The following EXOC4 variants were observed in gnomAD, a reference collection of about 807,000 sequenced individuals.
The protein encoded by EXOC4 is SEC8-like 1.
A neutral mutation model predicts 107.2 loss-of-function variants in EXOC4; 71 were observed. The observed-to-expected ratio is 0.66, with a 90% confidence interval of 0.55 to 0.81. The LOEUF is 0.81. EXOC4 is among the 30% of genes least tolerant of loss of function. EXOC4 has a pLI of 0.00. For missense variants in EXOC4, 1,108 were observed against 1,189.6 expected (o/e 0.93, Z 1.01); for synonymous variants, 456 against 441.2 (o/e 1.03, Z -0.42).
chr7:133,268,320 G>A (rs1793786253), intron 1 of EXOC4, among the ~76,000 whole-genome samples: 1 of 152,202 alleles, frequency 6.6e-6, no homozygotes, highest in Admixed American at 6.5e-5. Flanking sequence ...TGATGAGGTA[G>A]TAAGAGACTT....
At chr7:133,539,677 T>A (rs1335769073) in intron 9 of EXOC4, among the ~76,000 whole-genome samples, 1 of 152,162 alleles carries the variant, frequency 6.6e-6, no homozygotes, top group Non-Finnish European at 1.5e-5. Flanking sequence ...GAGGTTTTTT[T>A]TCCTTTTTTT....
At chr7:133,606,892 GCTTT>G (rs775832365) in intron 9 of EXOC4, among the ~76,000 whole-genome samples, 1 of 151,946 alleles carries the variant, frequency 6.6e-6, no homozygotes, top group Non-Finnish European at 1.5e-5. Flanking sequence ...CTTACAAATC[GCTTT>G]CTTTCTCTTC....
chr7:134,069,310 T>TCCTGC (rs67106949), downstream of EXOC4, among the ~76,000 whole-genome samples: 1 of 130,116 alleles, frequency 7.7e-6, no homozygotes, highest in Non-Finnish European at 1.6e-5. Context: ...TCCTCCTCCT[T>TCCTGC]TCTTCCTTCT....
At chr7:133,846,609 C>T (rs115225292) in intron 11 of EXOC4, among the ~76,000 whole-genome samples, 38 of 152,292 alleles carry the variant, frequency 2.5e-4, no homozygotes, top group African/African-American at 6.5e-4. Context: ...TAAGATAATA[C>T]GGTATAATGC....
chr7:133,868,589 AC>A (rs1342228967), intron 11 of EXOC4, among the ~76,000 whole-genome samples: 4 of 152,016 alleles, frequency 2.6e-5, no homozygotes, highest in African/African-American at 9.7e-5. Flanking sequence ...TCTTTTATGA[AC>A]CACTCCCTCC....
the EXOC4 span, among the ~76,000 whole-genome samples, chr7:134,086,598 C>G: frequency 1.1e-4 from 16 of 152,180 alleles, no homozygotes; most frequent in African/African-American, 3.6e-4. Context: ...AAAATATTTC[C>G]CTCTCAAGGC....
At chr7:133,368,387 GACTTTACTAATC>G (rs1796292059) in intron 6 of EXOC4, among the ~76,000 whole-genome samples, 1 of 152,148 alleles carries the variant, frequency 6.6e-6, no homozygotes, top group Non-Finnish European at 1.5e-5. Flanking sequence ...ATATAAGCAG[GACTTTACTAATC>G]AAGCTGTAAG....
intron 11 of EXOC4, among the ~76,000 whole-genome samples, chr7:133,884,112 T>C (rs181896551): frequency 1.7e-4 from 26 of 152,344 alleles, no homozygotes; most frequent in Admixed American, 4.6e-4. Flanking sequence ...AAGCCCCGTT[T>C]TCACGATTGC....
At chr7:133,264,664 A>G (rs957386600) in intron 1 of EXOC4, among the ~76,000 whole-genome samples, 2 of 152,168 alleles carry the variant, frequency 1.3e-5, no homozygotes, top group African/African-American at 4.8e-5. Context: ...AATTTTTTAC[A>G]CATTAAACTC....
intron 1 of EXOC4, among the ~76,000 whole-genome samples, chr7:133,266,764 TTGTC>T (rs1793738891): frequency 3.3e-5 from 5 of 152,222 alleles, no homozygotes; most frequent in South Asian, 2.1e-4. Context: ...ATTTGTGACT[TTGTC>T]TGTTTTCAGA....
At chr7:133,874,909 T>C (rs1281516344) in intron 11 of EXOC4, among the ~76,000 whole-genome samples, 2 of 152,226 alleles carry the variant, frequency 1.3e-5, no homozygotes. Context: ...GGGGGCTGTT[T>C]ATTGGCTCTA....
intron 10 of EXOC4, among the ~76,000 whole-genome samples, chr7:133,759,144 AT>A (rs34768347): frequency 0.095 from 13,352 of 140,594 alleles, 576 homozygotes; most frequent in African/African-American, 0.13. Flanking sequence ...CAACAAAAGA[AT>A]TTTTTTTTTT....
intron 9 of EXOC4, among the ~76,000 whole-genome samples, chr7:133,516,601 C>T (rs1799879671): frequency 6.6e-6 from 1 of 151,626 alleles, no homozygotes; most frequent in Non-Finnish European, 1.5e-5. Context: ...TGTGTTTTTT[C>T]CAATTTTTGG....
intron 9 of EXOC4, among the ~76,000 whole-genome samples, chr7:133,563,235 G>GT (rs895011054): frequency 2.7e-4 from 41 of 151,478 alleles, no homozygotes; most frequent in South Asian, 4.2e-4. Context: ...GGAAAGTTAG[G>GT]TTTTTTTTTA....
chr7:133,548,874 G>A (rs1158171664), intron 9 of EXOC4, among the ~76,000 whole-genome samples: 2 of 152,204 alleles, frequency 1.3e-5, no homozygotes, highest in Non-Finnish European at 2.9e-5. Context: ...CACTAGAGTA[G>A]CACTTGTAAT....
At chr7:133,617,931 G>C (rs1027961126) in intron 9 of EXOC4, among the ~76,000 whole-genome samples, 2 of 151,980 alleles carry the variant, frequency 1.3e-5, no homozygotes, top group Non-Finnish European at 2.9e-5. Flanking sequence ...TTTCAAACCG[G>C]GCCTTAAAGA....
intron 9 of EXOC4, among the ~76,000 whole-genome samples, chr7:133,553,157 GAATC>G (rs1236167363): frequency 1.3e-5 from 2 of 152,106 alleles, no homozygotes; most frequent in African/African-American, 2.4e-5. Flanking sequence ...ATGATTATGA[GAATC>G]AAATAAGATA....
At chr7:133,989,244 A>T (rs1013198223) in intron 14 of EXOC4, among the ~76,000 whole-genome samples, 1 of 152,222 alleles carries the variant, frequency 6.6e-6, no homozygotes, top group Non-Finnish European at 1.5e-5. Context: ...AGAATTCAGG[A>T]TAGAGAACAG....
chr7:133,777,799 G>T (rs927397311), intron 10 of EXOC4, among the ~76,000 whole-genome samples: 1 of 152,174 alleles, frequency 6.6e-6, no homozygotes, highest in Non-Finnish European at 1.5e-5. Flanking sequence ...TAAGGTTGTT[G>T]TAAGGATTAA....
Sources: gnomAD v4.1 joint callset for allele counts (sites outside exome capture counted in the v4.1 genomes callset) on GRCh38, gnomAD v4.1.1 for gene constraint, MANE v1.5 for transcripts, NCBI Gene and HGNC (gene_info 2026-07-23, HGNC 2026-07-21) for gene names.